FOXO1: variants seen among roughly 807,000 people sequenced by gnomAD.
FOXO1 encodes forkhead box O1.
A neutral mutation model predicts 44.1 loss-of-function variants in FOXO1; 6 were observed. The observed-to-expected ratio is 0.14, with a 90% CI of 0.07 to 0.27. FOXO1 has a LOEUF of 0.27. FOXO1 is among the 10% of genes least tolerant of loss of function. FOXO1 has a pLI of 1.00. For synonymous variants in FOXO1, 380 were observed against 362.7 expected (o/e 1.05, Z -0.54); for missense variants, 737 against 888.8 (o/e 0.83, Z 2.17).
intron 1 of FOXO1, among the ~76,000 whole-genome samples, chr13:40,578,552 G>A (rs1874844918): frequency 6.6e-6 from 1 of 152,128 alleles, no homozygotes; most frequent in South Asian, 2.1e-4. Flanking sequence ...CAAGTTCCCT[G>A]AAGATCAGAT....
chr13:40,572,080 T>A (rs1178801339), intron 1 of FOXO1, among the ~76,000 whole-genome samples: 1 of 152,202 alleles, frequency 6.6e-6, no homozygotes, highest in Non-Finnish European at 1.5e-5. Flanking sequence ...GGTAAATGTA[T>A]ATTCAAGGTA....
At chr13:40,595,462 T>C (rs960376862) in intron 1 of FOXO1, among the ~76,000 whole-genome samples, 1 of 152,170 alleles carries the variant, frequency 6.6e-6, no homozygotes, top group Non-Finnish European at 1.5e-5. Context: ...CAATGGTCCA[T>C]GCTACAATTT....
chr13:40,640,799 T>TGTTGTTGTTGTTGTTG (rs11398696), intron 1 of FOXO1, among the ~76,000 whole-genome samples: 70 of 96,090 alleles, frequency 7.3e-4, no homozygotes, highest in Admixed American at 2.5e-3. Flanking sequence ...TTGTTGTTGT[T>TGTTGTTGTTGTTGTTG]TGAGACAGAG....
At position 40,560,092 on chromosome 13, in the gene FOXO1, T is replaced by C; in HGVS notation, c.1399A>G (p.Thr467Ala). 1 of 1,614,068 alleles carries C rather than the reference T, an allele frequency of 6.2e-7. No homozygotes were observed. Reference protein sequence around the residue: ...CAPGLLKELLTSDSPPHNDIM... With the variant: ...CAPGLLKELLASDSPPHNDIM... ...TCATTATGGGGAGGAGAGTCAGAAG[T>C]CAGCAACTCCTTCAAGAGTCCAGGC... Residue 467 changes from threonine (T) to alanine (A), a missense_variant, in exon 2 of 3, where the codon ACT becomes GCT. This residue lies in a region of FOXO1 where 283 missense variants were observed against 278.1 expected (regional missense o/e 1.02). Transcript: ENST00000379561. The surrounding 1 kb of genome is among the most constrained non-coding windows in gnomAD (Gnocchi z 5.1).
intron 1 of FOXO1, among the ~76,000 whole-genome samples, chr13:40,643,310 C>T (rs1335753372): frequency 6.6e-6 from 1 of 150,850 alleles, no homozygotes; most frequent in Non-Finnish European, 1.5e-5. Context: ...CCACTGTACT[C>T]CAGCCTGGGT....
intron 1 of FOXO1, among the ~76,000 whole-genome samples, chr13:40,610,034 T>A (rs1481518061): frequency 6.6e-6 from 1 of 152,192 alleles, no homozygotes; most frequent in African/African-American, 2.4e-5. Flanking sequence ...TCTATTACCC[T>A]ACGACAATTT....
intron 1 of FOXO1, among the ~76,000 whole-genome samples, chr13:40,601,549 A>G (rs1875814699): frequency 6.6e-6 from 1 of 152,224 alleles, no homozygotes; most frequent in African/African-American, 2.4e-5. Context: ...ACAGATTTAA[A>G]CACGTATTTG....
At chr13:40,639,267 G>A (rs577600159) in intron 1 of FOXO1, among the ~76,000 whole-genome samples, 1 of 152,180 alleles carries the variant, frequency 6.6e-6, no homozygotes, top group South Asian at 2.1e-4. Flanking sequence ...GAAGGTTCAA[G>A]AGCCAGCAGA....
chr13:40,595,123 C>G (rs1196540081), intron 1 of FOXO1, among the ~76,000 whole-genome samples: 1 of 152,092 alleles, frequency 6.6e-6, no homozygotes. Flanking sequence ...ACAACGTAAA[C>G]AGAAAAAACT....
chr13:40,585,044 TTA>T (rs1167737652), intron 1 of FOXO1, among the ~76,000 whole-genome samples: 5 of 152,222 alleles, frequency 3.3e-5, no homozygotes, highest in African/African-American at 4.8e-5. Flanking sequence ...AACAAGTATC[TTA>T]TATGACAGGC....
chr13:40,582,051 T>C (rs2721066), intron 1 of FOXO1, among the ~76,000 whole-genome samples: 62,236 of 152,020 alleles, frequency 0.41, 13,947 homozygotes, highest in East Asian at 0.75. Context: ...TTGGTCTCTA[T>C]GCCTTTCTTC....
chr13:40,609,832 AT>A lies in FOXO1; in HGVS notation c.631-48973del, dbSNP rs1236363980. ...TATGAGCCGCTCATTAAAATTCAGC[AT>A]TTTTTCCAATTACGAATGTAGGCAA... On this transcript the variant is annotated intron_variant, in intron 1 of 2. Coordinates refer to ENST00000379561, the MANE Select transcript of FOXO1 (RefSeq NM_002015.4). 2.0e-5 allele frequency among the ~76,000 whole-genome samples: 3 copies of A among 152,108 alleles called. No homozygotes were observed. The East Asian group carries it at 5.8e-4, about 29-fold the overall frequency.
intron 1 of FOXO1, among the ~76,000 whole-genome samples, chr13:40,637,268 C>A (rs1403554457): frequency 2.6e-5 from 4 of 151,912 alleles, no homozygotes; most frequent in Non-Finnish European, 5.9e-5. Flanking sequence ...CACGGTGAAA[C>A]CCCGTCTCTA....
At chr13:40,559,140 AG>A in intron 2 of FOXO1, 106 bp from the exon 3 acceptor site, 1 of 403,346 alleles carries the variant, frequency 2.5e-6, no homozygotes, top group Non-Finnish European at 4.4e-6. Flanking sequence ...AGACATACTT[AG>A]GGGCAAAAAG....
At chr13:40,618,749 T>G (rs1161085298) in intron 1 of FOXO1, 1 of 484,052 alleles carries the variant, frequency 2.1e-6, no homozygotes, top group Admixed American at 2.2e-5. Flanking sequence ...TGAATCAGTC[T>G]AGATCTAGAT....
intron 1 of FOXO1, among the ~76,000 whole-genome samples, chr13:40,589,643 A>G (rs1434426535): frequency 1.3e-5 from 2 of 152,260 alleles, no homozygotes; most frequent in Middle Eastern, 3.2e-3. Flanking sequence ...GCTGCCTCCT[A>G]AATTAATCAG....
intron 1 of FOXO1, among the ~76,000 whole-genome samples, chr13:40,657,304 C>T (rs1422273479): frequency 1.3e-5 from 2 of 149,508 alleles, no homozygotes; most frequent in Non-Finnish European, 2.9e-5. Context: ...GGAACAATCT[C>T]CCATCCTTTT....
At chr13:40,656,224 A>T (rs1462711433) in intron 1 of FOXO1, among the ~76,000 whole-genome samples, 2 of 152,226 alleles carry the variant, frequency 1.3e-5, no homozygotes, top group Admixed American at 6.5e-5. Flanking sequence ...GAAGATAATT[A>T]TTGCAATAAG....
chr13:40,602,260 A>T lies in FOXO1; in HGVS notation c.631-41400T>A, dbSNP rs539762976. Among the ~76,000 whole-genome samples the T allele has an allele frequency of 2.1e-3, 314 of 152,346 alleles. 4 individuals carry two copies. In the Middle Eastern group the frequency reaches 0.027, roughly 13 times the overall value. On this transcript the variant is annotated intron_variant, in intron 1 of 2. Transcript: ENST00000379561. ...TAGCAAGAACAACCATGTGACAGTG[A>T]ATCTAAACATGTTCTATGGCATTTA...
Sources: gnomAD v4.1 joint callset for allele counts (sites outside exome capture counted in the v4.1 genomes callset) on GRCh38, gnomAD v4.1.1 for gene constraint, gnomAD v4.1.1 regional missense constraint, Gnocchi (gnomAD v3.1) non-coding constraint, MANE v1.5 for transcripts, NCBI Gene and HGNC (gene_info 2026-07-23, HGNC 2026-07-21) for gene names.